The following TLK2 variants were observed in gnomAD, a reference collection of about 807,000 sequenced individuals.
The protein encoded by TLK2 is serine/threonine-protein kinase tousled-like 2.
In TLK2, 6 loss-of-function variants were observed where a neutral mutation model predicts 117.3. The observed-to-expected ratio is 0.05, with a 90% CI of 0.03 to 0.10. The LOEUF (loss-of-function observed/expected upper bound fraction) is 0.10, where lower values mean the gene tolerates loss of function less well. Among genes scored for constraint, TLK2 ranks in the 10% least tolerant of loss-of-function variants. The pLI is 1.00. For missense variants in TLK2, 299 were observed against 901.2 expected, an observed-to-expected ratio of 0.33 and a Z score of 8.56; for synonymous variants, 257 against 316.7, an observed-to-expected ratio of 0.81 and a Z score of 2.00.
intron 7 of TLK2, among the ~76,000 whole-genome samples, chr17:62,549,417 A>AAAAAAAAAAAAAAAAGT (rs2078226609): frequency 1.2e-4 from 4 of 32,600 alleles, no homozygotes; most frequent in Non-Finnish European, 3.0e-4. Flanking sequence ...AAAAAAAAAA[A>AAAAAAAAAAAAAAAAGT]AAAAAAAAAA....
chr17:62,499,053 G>C (rs911750425), intron 2 of TLK2, among the ~76,000 whole-genome samples: 3 of 151,914 alleles, frequency 2.0e-5, no homozygotes, highest in Non-Finnish European at 4.4e-5. Flanking sequence ...TTGTAAAGAC[G>C]AGGTTGGCCA....
intron 1 of TLK2, among the ~76,000 whole-genome samples, chr17:62,479,662 C>G (rs1342272267): frequency 2.0e-5 from 3 of 152,188 alleles, no homozygotes; most frequent in Admixed American, 6.5e-5. Flanking sequence ...GGCGCCGGGA[C>G]CAGGCCCCAT....
rs1408924736 is a variant in TLK2 at position 62,522,259 on chromosome 17, A to G, written c.209A>G (p.Tyr70Cys). Reference protein sequence around the residue: ...QRNRKRKAEPYETSQGKGTPR... With the variant: ...QRNRKRKAEPCETSQGKGTPR... ...AATCGGAAAAGAAAAGCTGAACCATATGAAACTAGCCAAGGTAGTAATAAT... is the reference window on the plus strand; with the variant it reads ...AATCGGAAAAGAAAAGCTGAACCATGTGAAACTAGCCAAGGTAGTAATAAT... The change falls in exon 4 of 22, where the codon TAT (tyrosine) becomes TGT (cysteine). Residue 70 changes from tyrosine (Y) to cysteine (C), a missense_variant. Tyr to Cys is a radical substitution (Grantham distance 194). Around this residue, in one of 4 missense-constraint regions of TLK2, gnomAD observed 105 missense variants for 218.4 expected, o/e 0.48. Coordinates refer to ENST00000346027, the MANE Select transcript of TLK2 (RefSeq NM_006852.6). The G allele has an allele frequency of 3.1e-6, 5 of 1,613,108 alleles. No homozygotes were observed. Among genetic ancestry groups the G allele is most frequent in the Non-Finnish European group, 4.2e-6 (5 of 1,179,644 alleles).
intron 3 of TLK2, among the ~76,000 whole-genome samples, 184 bp from the exon 4 acceptor site, chr17:62,522,020 A>G (rs1012666468): frequency 1.3e-5 from 2 of 152,174 alleles, no homozygotes; most frequent in Non-Finnish European, 2.9e-5. Flanking sequence ...AATTGTGTGG[A>G]TGGTTTGGTT....
chr17:62,589,665 A>G (rs2081925552), intron 16 of TLK2, among the ~76,000 whole-genome samples: 1 of 152,236 alleles, frequency 6.6e-6, no homozygotes, highest in African/African-American at 2.4e-5. Context: ...TACCTCAACA[A>G]GAGAAATTGG....
At chr17:62,516,184 C>G in intron 2 of TLK2, 1 of 580,970 alleles carries the variant, frequency 1.7e-6, no homozygotes, top group Non-Finnish European at 3.1e-6. Flanking sequence ...CTCGGCCTCC[C>G]AAAGTGCTGG....
chr17:62,593,570 A>G (rs8075555), intron 16 of TLK2, among the ~76,000 whole-genome samples: 77,514 of 151,648 alleles, frequency 0.51, 21,863 homozygotes, highest in East Asian at 0.82. Flanking sequence ...ACTAAGGCAC[A>G]CAACTCATTA....
At chr17:62,496,682 A>G (rs1202826724) in intron 2 of TLK2, among the ~76,000 whole-genome samples, 2 of 152,104 alleles carry the variant, frequency 1.3e-5, no homozygotes, top group Non-Finnish European at 2.9e-5. Flanking sequence ...GGGGCTGGGC[A>G]CGGTGTCTCA....
At chr17:62,489,581 C>T (rs984362647) in intron 2 of TLK2, among the ~76,000 whole-genome samples, 2 of 151,936 alleles carry the variant, frequency 1.3e-5, no homozygotes, top group Non-Finnish European at 2.9e-5. Context: ...TATACTTCCT[C>T]ACCCTATTTT....
intron 15 of TLK2, among the ~76,000 whole-genome samples, chr17:62,585,271 A>G (rs1386872331): frequency 6.6e-6 from 1 of 152,220 alleles, no homozygotes; most frequent in Non-Finnish European, 1.5e-5. Context: ...GGCCAGGCGC[A>G]GTGGCTCACG....
At chr17:62,601,902 G>A (rs1330462661) in intron 18 of TLK2, 140 bp from the exon 19 acceptor site, 1 of 700,768 alleles carries the variant, frequency 1.4e-6, no homozygotes, top group African/African-American at 1.8e-5. Flanking sequence ...CCAGAGTCCA[G>A]ATTGCTTGAT....
rs775119008 is a variant in TLK2, at chr17:62,574,330, C to T, written c.1121+963C>T. On this transcript the variant is annotated intron_variant, in intron 12 of 21. Transcript: ENST00000346027. ...TCGTTTAGTAAGTTTATGTTAAATG[C>T]TTATTTTATGCTAGGCCCTCTTCTG... 3.2e-6 allele frequency: 5 copies of T among 1,540,790 alleles called. No homozygotes were observed. The East Asian group carries it at 9.6e-5, about 30-fold the overall frequency.
At chr17:62,541,730 A>G (rs1430211404) in intron 7 of TLK2, among the ~76,000 whole-genome samples, 1 of 144,456 alleles carries the variant, frequency 6.9e-6, no homozygotes, top group Non-Finnish European at 1.5e-5. Context: ...GGTTCAAGCA[A>G]TTCTCTTGCC....
At chr17:62,507,891 T>G (rs2145173965) in intron 2 of TLK2, among the ~76,000 whole-genome samples, 1 of 152,130 alleles carries the variant, frequency 6.6e-6, no homozygotes, top group Non-Finnish European at 1.5e-5. Flanking sequence ...ACATTTTAAG[T>G]ATATTAGAAA....
At chr17:62,605,595 A>G (rs2083230824) in intron 19 of TLK2, among the ~76,000 whole-genome samples, 1 of 152,028 alleles carries the variant, frequency 6.6e-6, no homozygotes, top group Admixed American at 6.6e-5. Context: ...CTGGTCTCAA[A>G]TTCTTGAGTT....
chr17:62,519,532 G>A (rs2075878177), intron 2 of TLK2, among the ~76,000 whole-genome samples: 1 of 152,132 alleles, frequency 6.6e-6, no homozygotes, highest in Non-Finnish European at 1.5e-5. Context: ...AGTCAGCTGG[G>A]GCCGGGTGCG....
At chr17:62,608,338 C>G (rs1396380783) in intron 21 of TLK2, among the ~76,000 whole-genome samples, 190 bp downstream of exon 21, 1 of 152,144 alleles carries the variant, frequency 6.6e-6, no homozygotes, top group Non-Finnish European at 1.5e-5. Context: ...CCACCCCATC[C>G]CCAGTTCCAG....
intron 2 of TLK2, among the ~76,000 whole-genome samples, chr17:62,511,049 C>T (rs1205762107): frequency 2.0e-5 from 3 of 152,226 alleles, no homozygotes; most frequent in Admixed American, 2.0e-4. Flanking sequence ...CCGTGCATCT[C>T]TCCTCATGTA....
intron 6 of TLK2, among the ~76,000 whole-genome samples, chr17:62,529,748 T>A (rs970191784): frequency 1.3e-5 from 2 of 152,242 alleles, no homozygotes; most frequent in African/African-American, 4.8e-5. Context: ...TTTAGATATA[T>A]CATTGTTTAA....
Sources: allele counts gnomAD v4.1 joint callset (sites outside exome capture counted in the v4.1 genomes callset), GRCh38; gene constraint gnomAD v4.1.1; regional missense constraint gnomAD v4.1.1; transcripts MANE v1.5; gene names NCBI Gene and HGNC (gene_info 2026-07-23, HGNC 2026-07-21).